PARP4: variants seen among roughly 807,000 people sequenced by gnomAD.
The protein encoded by PARP4 is poly(ADP-ribose) polymerase family member 4, also known as protein mono-ADP-ribosyltransferase PARP4.
A neutral mutation model predicts 187.7 loss-of-function variants in PARP4; 120 were observed. The observed-to-expected ratio is 0.64, with a 90% CI of 0.55 to 0.74. PARP4 has a LOEUF of 0.74. Among genes scored for constraint, PARP4 ranks in the 30% least tolerant of loss-of-function variants. The pLI is 0.00. For synonymous variants in PARP4, 654 were observed against 740.9 expected, an observed-to-expected ratio of 0.88 and a Z score of 1.90; for missense variants, 1,836 against 2,070.5, an observed-to-expected ratio of 0.89 and a Z score of 2.20.
intron 20 of PARP4, among the ~76,000 whole-genome samples, chr13:24,457,526 C>G (rs1871929121): frequency 6.6e-6 from 1 of 152,134 alleles, no homozygotes; most frequent in Non-Finnish European, 1.5e-5. Flanking sequence ...AATCCCAACA[C>G]TTTGGGAGGC....
intron 12 of PARP4, among the ~76,000 whole-genome samples, chr13:24,483,774 A>C (rs1873403687): frequency 2.6e-5 from 4 of 151,970 alleles, no homozygotes; most frequent in Non-Finnish European, 4.4e-5. Flanking sequence ...CTACAGGTGC[A>C]CACCACCACG....
rs143954708 is a variant in PARP4 at position 24,447,148 on chromosome 13, G to A, written c.3153C>T (p.Cys1051=). ...GCTGCCATTTGACGGAGACAGAGTG[G>A]CAACTCGGAGAACATAGCCTGGTCA... The part of the protein sequence containing the change: ...DQMTRLCSPS[C]HSVSVKWQQL... Residue 1051 remains cysteine (C), a synonymous_variant, in exon 26 of 34, where the codon TGC becomes TGT. Transcript: ENST00000381989. The A allele has an allele frequency of 3.5e-5, 56 of 1,612,768 alleles. No homozygotes were observed. The African/African-American group carries it at 6.4e-4, about 18-fold the overall frequency.
At position 24,501,640 on chromosome 13, in the gene PARP4, G is replaced by A; in HGVS notation, c.327C>T (p.Ser109=). 6.2e-7 allele frequency: 1 copy of A among 1,608,766 alleles called. No homozygotes were observed. Among genetic ancestry groups the A allele is most frequent in the Non-Finnish European group, 8.5e-7 (1 of 1,175,208 alleles). Residue 109 remains serine (S), a synonymous_variant, in exon 3 of 34, where the codon AGC becomes AGT. Coordinates refer to ENST00000381989, the MANE Select transcript of PARP4 (RefSeq NM_006437.4). ...DITPPPDQKA[S]SSEVKTEGLC... ...TTGCTATGAAATACCTACCAGAACT[G>A]CTCGCCTTCTGATCAGGAGGTGGTG...
intron 1 of PARP4, among the ~76,000 whole-genome samples, chr13:24,510,362 G>C (rs1310837532): frequency 1.3e-5 from 2 of 151,916 alleles, no homozygotes; most frequent in Admixed American, 6.5e-5. Context: ...AGGCCATCCC[G>C]GCTAAAACGG....
rs1310663085 is a variant in PARP4, at chr13:24,483,779, A to C, written c.1448+874T>G. 1.3e-5 allele frequency among the ~76,000 whole-genome samples: 2 copies of C among 151,990 alleles called. 1 individual carries two copies. Among genetic ancestry groups the C allele is most frequent in the Non-Finnish European group, 2.9e-5 (2 of 68,002 alleles). ...GTAGCTGGGACTACAGGTGCACACC[A>C]CCACGCCCAGCTAATTTTTGTATTT... On this transcript the variant is annotated intron_variant, in intron 12 of 33. Transcript: ENST00000381989.
chr13:24,485,711 ACTCTT>A (rs1200351369), intron 11 of PARP4, among the ~76,000 whole-genome samples: 8 of 152,032 alleles, frequency 5.3e-5, no homozygotes, highest in Non-Finnish European at 1.0e-4. Context: ...TAATTTCTGG[ACTCTT>A]CTCTTTAAAT....
In PARP4 at chr13:24,492,544, A is replaced by AT; in HGVS notation, c.929dup (p.Asn310LysfsTer36). On this transcript the variant is annotated frameshift_variant, in exon 9 of 34. Transcript: ENST00000381989. LOFTEE classifies it high-confidence loss of function. ...TTTGCAATTGCTCTGCTGTTTCTCCATTTTTCAGTGCTGCCTTTACTAGAA... is the reference window on the plus strand; with the variant it reads ...TTTGCAATTGCTCTGCTGTTTCTCCATTTTTTCAGTGCTGCCTTTACTAGAA... 1.2e-6 allele frequency: 2 copies of AT among 1,613,972 alleles called. No homozygotes were observed. The highest frequency in any genetic ancestry group is 1.1e-5 in the South Asian group (1 of 91,070).
intron 15 of PARP4, among the ~76,000 whole-genome samples, chr13:24,470,740 A>C (rs1232503621): frequency 6.7e-6 from 1 of 150,074 alleles, no homozygotes; most frequent in Non-Finnish European, 1.5e-5. Context: ...GGAAGACACC[A>C]AAATGAAAAA....
intron 19 of PARP4, 69 bp from the exon 20 acceptor site, chr13:24,459,191 A>G (rs1872053770): frequency 6.3e-7 from 1 of 1,581,562 alleles, no homozygotes; most frequent in Admixed American, 1.8e-5. Flanking sequence ...TATTTCAAAC[A>G]ATTCTAAATG....
chr13:24,463,769 T>C (rs2137489202), intron 17 of PARP4, among the ~76,000 whole-genome samples: 1 of 152,224 alleles, frequency 6.6e-6, no homozygotes, highest in East Asian at 1.9e-4. Flanking sequence ...CCACTCCTAT[T>C]CAATATAGTA....
intron 27 of PARP4, among the ~76,000 whole-genome samples, chr13:24,445,186 C>T (rs1871149439): frequency 6.6e-6 from 1 of 152,132 alleles, no homozygotes; most frequent in Non-Finnish European, 1.5e-5. Flanking sequence ...GTCTCTTCCC[C>T]TGTTAATCTA....
Position 24,447,974 on chromosome 13 carries a change from A to C in PARP4, c.3115-788T>G, listed in dbSNP as rs1871295542. On this transcript the variant is annotated intron_variant, in intron 25 of 33. Coordinates refer to ENST00000381989, the MANE Select transcript of PARP4 (RefSeq NM_006437.4). ...GTAATCCCAGCACTTTGGGAGGCCA[A>C]GGCAGGCAGATTGCTTGAGCTTGGG... is the stretch of plus-strand genomic sequence containing the variant. Among the ~76,000 whole-genome samples the C allele has an allele frequency of 1.3e-5, 2 of 152,182 alleles. 1 individual carries two copies. The highest frequency in any genetic ancestry group is 4.1e-4 in the South Asian group (2 of 4,822).
At chr13:24,459,578 G>A in intron 18 of PARP4, 1 of 345,930 alleles carries the variant, frequency 2.9e-6, no homozygotes, top group Admixed American at 4.9e-5. Context: ...TTTTATACAT[G>A]TGCTGTACAT....
intron 17 of PARP4, among the ~76,000 whole-genome samples, chr13:24,461,200 A>G (rs901817735): frequency 2.6e-5 from 4 of 152,212 alleles, no homozygotes; most frequent in African/African-American, 7.2e-5. Context: ...ATTTAGGCTT[A>G]AAGGTTAAAT....
At position 24,475,487 on chromosome 13, in the gene PARP4, T is replaced by C. The variant is rs150207878; in HGVS notation, c.1899A>G (p.Ile633Met). The C allele has an allele frequency of 3.6e-5, 58 of 1,613,992 alleles. No individual in the cohort carries two copies. The highest frequency in any genetic ancestry group is 4.0e-5 in the African/African-American group (3 of 74,940). ...GACAACATACCTGGGCTACAGTGTC[T>C]ATGATTCTCCCTTTGATGTGGACAT... ...LEDVHIKGRI[I>M]DTVAQVIVFQ... Residue 633 changes from isoleucine (I) to methionine (M), a missense_variant, in exon 15 of 34, where the codon ATA becomes ATG. By Grantham distance (10) the Ile-to-Met change is conservative. This residue lies in a region of PARP4 where 1,147 missense variants were observed against 1,214.2 expected (regional missense o/e 0.94). Transcript: ENST00000381989.
At chr13:24,467,732 C>T (rs181216912) in intron 17 of PARP4, among the ~76,000 whole-genome samples, 2 of 152,322 alleles carry the variant, frequency 1.3e-5, no homozygotes, top group African/African-American at 2.4e-5. Context: ...AGACTTTACC[C>T]ATAGGTAATA....
chr13:24,444,367 T>C (rs1237014502), intron 27 of PARP4, among the ~76,000 whole-genome samples: 1 of 152,312 alleles, frequency 6.6e-6, no homozygotes, highest in African/African-American at 2.4e-5. Context: ...TATTCTCCCT[T>C]ATCAGTACCC....
At chr13:24,459,228 CATT>C (rs1179015196) in intron 19 of PARP4, 33 bp downstream of exon 19, 1 of 1,587,716 alleles carries the variant, frequency 6.3e-7, no homozygotes, top group South Asian at 1.1e-5. Context: ...AACCAATATC[CATT>C]GAATTGACAG....
At chr13:24,437,849 CAAA>C (rs1216300092) in intron 30 of PARP4, among the ~76,000 whole-genome samples, 1 of 118,376 alleles carries the variant, frequency 8.4e-6, no homozygotes, top group Non-Finnish European at 1.7e-5. Context: ...GACTCCATCT[CAAA>C]AAAAAAAAAG....
Sources: allele counts gnomAD v4.1 joint callset (sites outside exome capture counted in the v4.1 genomes callset), GRCh38; gene constraint gnomAD v4.1.1; regional missense constraint gnomAD v4.1.1; transcripts MANE v1.5; gene names NCBI Gene and HGNC (gene_info 2026-07-23, HGNC 2026-07-21).